The following RNF19A variants were observed in gnomAD, a reference collection of about 807,000 sequenced individuals.
RNF19A encodes the protein E3 ubiquitin-protein ligase RNF19A.
RNF19A carries 32 observed loss-of-function variants against 75.7 expected under a neutral mutation model. That is an observed-to-expected ratio of 0.42 (90% CI 0.32 to 0.57). The LOEUF (loss-of-function observed/expected upper bound fraction) is 0.57. Ranked by LOEUF, RNF19A falls within the 20% of genes least tolerant of loss-of-function variation. The pLI, the probability that RNF19A is intolerant of heterozygous loss-of-function variation, is 0.10. For missense variants in RNF19A, 782 were observed against 1,036.3 expected (o/e 0.75, Z 3.37); for synonymous variants, 335 against 345.2 (o/e 0.97, Z 0.33).
intron 1 of RNF19A, among the ~76,000 whole-genome samples, chr8:100,315,650 TTG>T (rs1292534772): frequency 6.8e-6 from 1 of 146,562 alleles, no homozygotes; most frequent in Non-Finnish European, 1.5e-5. Flanking sequence ...CTTCGTCGTC[TTG>T]TTGTTGTTGT....
In RNF19A at chr8:100,329,755, G is replaced by A. The variant is rs1822586088; in HGVS notation, c.-243+6353C>T. On this transcript the variant is annotated intron_variant, in intron 1 of 3. Coordinates refer to the RNF19A transcript ENST00000519527. The surrounding 1 kb of genome is among the most constrained non-coding windows in gnomAD (Gnocchi z 4.3). ...AGTGTCTTCCAACACTTAAAGGATCGTCTGATGAAAGAAGAAGTAGCTTCA... is the reference window on the plus strand; with the variant it reads ...AGTGTCTTCCAACACTTAAAGGATCATCTGATGAAAGAAGAAGTAGCTTCA... Among the ~76,000 whole-genome samples, 2 of 152,156 alleles carry A rather than the reference G, an allele frequency of 1.3e-5. No individual in the cohort carries two copies. Among genetic ancestry groups the A allele is most frequent in the South Asian group, 2.1e-4 (1 of 4,828 alleles).
chr8:100,299,033 G>C (rs1193069696), intron 1 of RNF19A, among the ~76,000 whole-genome samples: 1 of 152,194 alleles, frequency 6.6e-6, no homozygotes, highest in Non-Finnish European at 1.5e-5. Context: ...TTGCTGAAGA[G>C]AGACTAATTT....
intron 2 of RNF19A, among the ~76,000 whole-genome samples, chr8:100,278,760 T>C (rs1820641876): frequency 6.6e-6 from 1 of 152,130 alleles, no homozygotes; most frequent in South Asian, 2.1e-4. Context: ...AATTTTTAAT[T>C]AATGATTTAA....
At chr8:100,271,682 G>A (rs1038179847) in intron 3 of RNF19A, among the ~76,000 whole-genome samples, 1 of 152,034 alleles carries the variant, frequency 6.6e-6, no homozygotes, top group African/African-American at 2.4e-5. Context: ...TTTTTGATAG[G>A]TCTCTATATA....
intron 1 of RNF19A, among the ~76,000 whole-genome samples, chr8:100,306,598 G>C (rs1275515115): frequency 6.6e-6 from 1 of 152,132 alleles, no homozygotes; most frequent in Non-Finnish European, 1.5e-5. Flanking sequence ...CTTTGATATA[G>C]AAAGTATCAC....
At chr8:100,318,090 G>A (rs1287118404) in intron 1 of RNF19A, among the ~76,000 whole-genome samples, 1 of 151,964 alleles carries the variant, frequency 6.6e-6, no homozygotes, top group Non-Finnish European at 1.5e-5. Context: ...CCTACATTAA[G>A]GGATTTATAG....
intron 2 of RNF19A, among the ~76,000 whole-genome samples, chr8:100,283,725 A>C (rs1166177363): frequency 1.3e-5 from 2 of 152,246 alleles, no homozygotes; most frequent in African/African-American, 4.8e-5. Context: ...GAAAATGTTC[A>C]TACCTATAAA....
chr8:100,291,145 T>C (rs1002918351), intron 1 of RNF19A, among the ~76,000 whole-genome samples: 2 of 152,192 alleles, frequency 1.3e-5, no homozygotes, highest in Non-Finnish European at 1.5e-5. Context: ...CTAGGTAAGA[T>C]ATATTCCTGA....
At chr8:100,294,644 C>A (rs563769741) in intron 1 of RNF19A, among the ~76,000 whole-genome samples, 1 of 152,074 alleles carries the variant, frequency 6.6e-6, no homozygotes, top group African/African-American at 2.4e-5. Flanking sequence ...AGCTGCCCTA[C>A]ACTACATAGA....
In RNF19A at chr8:100,275,576, C is replaced by A. The variant is rs766319294; in HGVS notation, c.675-415G>T. ...TCTCCCTCAACTTTTAAGTAGGATA[C>A]CAAATTGCATTTAGCCTAATCTCAA... On this transcript the variant is annotated intron_variant, in intron 2 of 9. Coordinates refer to ENST00000341084, the MANE Select transcript of RNF19A (RefSeq NM_183419.4). This position sits in a 1 kb window ranked among gnomAD's most constrained non-coding sequence, Gnocchi z 4.3. 6.6e-6 allele frequency among the ~76,000 whole-genome samples: 1 copy of A among 151,470 alleles called. No individual in the cohort carries two copies. Among genetic ancestry groups the A allele is most frequent in the Non-Finnish European group, 1.5e-5 (1 of 67,938 alleles).
intron 1 of RNF19A, among the ~76,000 whole-genome samples, chr8:100,298,514 G>A (rs1384941962): frequency 1.3e-5 from 2 of 152,146 alleles, no homozygotes; most frequent in East Asian, 1.9e-4. Flanking sequence ...TGCTTACCAA[G>A]ACCCAGATAT....
chr8:100,264,750 C>G lies in RNF19A; in HGVS notation c.1227G>C (p.Lys409Asn), dbSNP rs1819891221. 6.2e-7 allele frequency: 1 copy of G among 1,613,614 alleles called. No homozygotes were observed. The highest frequency in any genetic ancestry group is 8.5e-7 in the Non-Finnish European group (1 of 1,179,616). ...CTGCTATGGCCAAATTCCGTTTGTG[C>G]TTTGAAACATCCTTGCCTTCATAGC... The part of the protein sequence containing the change: ...HNRYEGKDVS[K>N]HKRNLAIAGG... The change falls in exon 6 of 10, where the codon AAG becomes AAC. Residue 409 changes from lysine (K) to asparagine (N), a missense_variant. Lys to Asn is a moderately conservative substitution (Grantham distance 94, BLOSUM62 0). This residue lies in a region of RNF19A where 442 missense variants were observed against 541.6 expected (regional missense o/e 0.82). Transcript: ENST00000341084. This position sits in a 1 kb window ranked among gnomAD's most constrained non-coding sequence, Gnocchi z 4.7.
intron 1 of RNF19A, among the ~76,000 whole-genome samples, chr8:100,293,581 T>G (rs992441821): frequency 1.8e-4 from 27 of 152,310 alleles, no homozygotes; most frequent in African/African-American, 6.3e-4. Flanking sequence ...CTAGATGTGG[T>G]TTTCCTTGTC....
At position 100,269,803 on chromosome 8, in the gene RNF19A, A is replaced by G; in HGVS notation, c.1028+66T>C. 7.8e-7 allele frequency: 1 copy of G among 1,286,758 alleles called. No individual in the cohort carries two copies. The highest frequency in any genetic ancestry group is 1.0e-6 in the Non-Finnish European group (1 of 974,616). The allele number at this position is 1,286,758 out of a possible 1,614,324, so 79.7% of individuals were successfully genotyped here. On this transcript the variant is annotated intron_variant, in intron 4 of 9. Transcript: ENST00000341084. The surrounding 1 kb of genome is among the most constrained non-coding windows in gnomAD (Gnocchi z 5.7). ...GTATCTTATAAAACCCAAATTTAAG[A>G]CAAGTTATTTTGTCTTACAATATAA... is the stretch of plus-strand genomic sequence containing the variant.
chr8:100,263,228 A>G lies in RNF19A; in HGVS notation c.1468+806T>C, dbSNP rs1281951920. Among the ~76,000 whole-genome samples the G allele has an allele frequency of 2.6e-5, 4 of 152,330 alleles. No individual in the cohort carries two copies. The East Asian group carries it at 7.7e-4, about 29-fold the overall frequency. ...GGTCAGAAGAGGAAAATGAACCAGC[A>G]AAGATTAATGAGACGGACTGGCCAG... On this transcript the variant is annotated intron_variant, in intron 7 of 9. Coordinates refer to ENST00000341084, the MANE Select transcript of RNF19A (RefSeq NM_183419.4).
rs1212651614 is a variant in RNF19A at position 100,284,500 on chromosome 8, C to T, written c.674+3001G>A. On this transcript the variant is annotated intron_variant, in intron 2 of 9. Transcript: ENST00000341084. The surrounding 1 kb of genome is among the most constrained non-coding windows in gnomAD (Gnocchi z 4.3). Reference sequence around the variant, plus strand: ...GTAAGACTATGACAACCAATAACACCAAAAATTAATGTATGGCCAAATTAA... The same window carrying T: ...GTAAGACTATGACAACCAATAACACTAAAAATTAATGTATGGCCAAATTAA... Among the ~76,000 whole-genome samples, 1 of 151,924 alleles carries T rather than the reference C, an allele frequency of 6.6e-6. No individual in the cohort carries two copies. The highest frequency in any genetic ancestry group is 2.4e-5 in the African/African-American group (1 of 41,366).
At chr8:100,315,250 T>G (rs1028358339) in intron 1 of RNF19A, among the ~76,000 whole-genome samples, 1 of 152,156 alleles carries the variant, frequency 6.6e-6, no homozygotes, top group Non-Finnish European at 1.5e-5. Flanking sequence ...ATCACACCAC[T>G]GCACTCCAGC....
chr8:100,262,139 A>G (rs1423746836), intron 7 of RNF19A, among the ~76,000 whole-genome samples: 1 of 152,210 alleles, frequency 6.6e-6, no homozygotes, highest in East Asian at 1.9e-4. Context: ...TCTACAAGCT[A>G]TTATTAAGAT....
chr8:100,311,484 C>T (rs1449021254), upstream of RNF19A, among the ~76,000 whole-genome samples: 2 of 151,778 alleles, frequency 1.3e-5, no homozygotes, highest in Admixed American at 6.6e-5. Context: ...TTTGGGAGGC[C>T]GAGGCGGGCG....
Sources: allele counts gnomAD v4.1 joint callset (sites outside exome capture counted in the v4.1 genomes callset), GRCh38; gene constraint gnomAD v4.1.1; regional missense constraint gnomAD v4.1.1; non-coding constraint Gnocchi (gnomAD v3.1); transcripts MANE v1.5; gene names NCBI Gene and HGNC (gene_info 2026-07-23, HGNC 2026-07-21).